Variants in CHD4 observed in about 807,000 individuals in gnomAD.
CHD4 encodes chromodomain helicase DNA binding protein 4.
A neutral mutation model predicts 235.5 loss-of-function variants in CHD4; 35 were observed. The ratio of observed to expected loss-of-function variants is 0.15; its 90% CI spans 0.11 to 0.20. CHD4 has a LOEUF of 0.20. Among genes scored for constraint, CHD4 ranks in the 10% least tolerant of loss-of-function variants. CHD4 has a pLI of 1.00. For synonymous variants in CHD4, 900 were observed against 850.2 expected, an observed-to-expected ratio of 1.06 and a Z score of -1.02; for missense variants, 1,329 against 2,432.3, an observed-to-expected ratio of 0.55 and a Z score of 9.54.
At position 6,582,983 on chromosome 12, in the gene CHD4, C is replaced by G. The variant is rs575919767; in HGVS notation, c.4147+44G>C. ...TGAGTGACACAGGTAGGATATTAAA[C>G]AAAGCAACATTTAGAAAAGCAACAA... On this transcript the variant is annotated intron_variant, in intron 27 of 39. Coordinates refer to ENST00000544040, the MANE Select transcript of CHD4 (RefSeq NM_001273.5). The G allele has an allele frequency of 4.1e-5, 65 of 1,599,592 alleles. 1 individual carries two copies. In the South Asian group the frequency reaches 5.2e-4, roughly 13 times the overall value.
chr12:6,601,742 G>A lies in CHD4; in HGVS notation c.463C>T (p.Leu155=), dbSNP rs1290043592. The A allele has an allele frequency of 6.2e-6, 10 of 1,614,012 alleles. No individual in the cohort carries two copies. Among genetic ancestry groups the A allele is most frequent in the African/African-American group, 1.3e-5 (1 of 74,914 alleles). The change falls in exon 5 of 40, where the codon CTG becomes TTG. Residue 155 remains leucine, a synonymous_variant. Coordinates refer to ENST00000544040, the MANE Select transcript of CHD4 (RefSeq NM_001273.5). ...ATGTCTTCCATGCCCCAGTCTTCCA[G>A]GAGCTGAGCAGATGATTTAGGCTCC... ...SKEPKSSAQL[L]EDWGMEDIDH...
chr12:6,589,871 C>T (rs553396698), intron 22 of CHD4, among the ~76,000 whole-genome samples: 7 of 152,106 alleles, frequency 4.6e-5, no homozygotes, highest in Non-Finnish European at 1.0e-4. Context: ...ACTTAAGAGA[C>T]ATTCTACAAA....
chr12:6,581,124 TCAA>T lies in CHD4; in HGVS notation c.4826_4828del (p.Val1609del), dbSNP rs1213915459. The T allele has an allele frequency of 6.2e-7, 1 of 1,614,032 alleles. No homozygotes were observed. The highest frequency in any genetic ancestry group is 8.5e-7 in the Non-Finnish European group (1 of 1,180,038). On this transcript the variant is annotated inframe_deletion, in exon 33 of 40. Coordinates refer to ENST00000544040, the MANE Select transcript of CHD4 (RefSeq NM_001273.5). ...CACTTTCTCCTCTCCCTCAGGGGGT[TCAA>T]CAACGACCTTTTCATCCTCTGAGGC...
chr12:6,582,533 G>C, intron 29 of CHD4, 82 bp downstream of exon 29: 1 of 1,518,602 alleles, frequency 6.6e-7, no homozygotes, highest in Non-Finnish European at 8.8e-7. Flanking sequence ...TTCCCTGCAC[G>C]GCTAGGCCTA....
intron 10 of CHD4, 121 bp from the exon 11 acceptor site, chr12:6,598,546 C>T (rs1320143737): frequency 8.3e-6 from 7 of 846,366 alleles, no homozygotes; most frequent in Non-Finnish European, 1.3e-5. Context: ...AGCAGTGGCT[C>T]ATGCCTGAAA....
chr12:6,578,935 ATT>A lies in CHD4; in HGVS notation c.4910-20_4910-19del. 1 of 1,608,780 alleles carries A rather than the reference ATT, an allele frequency of 6.2e-7. No homozygotes were observed. The highest frequency in any genetic ancestry group is 8.5e-7 in the Non-Finnish European group (1 of 1,175,166). On this transcript the variant is annotated intron_variant, in intron 33 of 39. Coordinates refer to ENST00000544040, the MANE Select transcript of CHD4 (RefSeq NM_001273.5). ...AGCAGCACCTAGGGGAAGAAATGTTATTGAGACTATACCTAAAGGAAGAACAT... is the reference window on the plus strand; with the variant it reads ...AGCAGCACCTAGGGGAAGAAATGTTAGAGACTATACCTAAAGGAAGAACAT...
chr12:6,577,642 G>A, intron 37 of CHD4, 143 bp downstream of exon 37: 1 of 1,081,134 alleles, frequency 9.2e-7, no homozygotes, highest in Non-Finnish European at 1.3e-6. Context: ...CAACCCTAAT[G>A]TGTAAGTTAC....
Position 6,591,924 on chromosome 12 carries a change from C to G in CHD4, c.3082G>C (p.Ala1028Pro). ...GAGATGGCACTACATACCATTGCAG[C>G]CACAGGGAAGAGGTATGGATGGTTG... ...CCNHPYLFPV[A>P]AMEAPKMPNG... The change falls in exon 20 of 40, where the codon GCT becomes CCT. Residue 1028 changes from alanine to proline, a missense_variant. Ala to Pro is a conservative substitution (Grantham distance 27). Coordinates refer to ENST00000544040, the MANE Select transcript of CHD4 (RefSeq NM_001273.5). 6.2e-7 allele frequency: 1 copy of G among 1,614,176 alleles called. No homozygotes were observed. The highest frequency in any genetic ancestry group is 8.5e-7 in the Non-Finnish European group (1 of 1,180,034).
rs748350791 is a variant in CHD4 at position 6,606,348 on chromosome 12, G to A, written c.26C>T (p.Ser9Phe). Residue 9 changes from serine to phenylalanine, a missense_variant, in exon 2 of 40, where the codon TCC (serine) becomes TTC (phenylalanine). This residue lies in a region of CHD4 where 213 missense variants were observed against 177.5 expected (regional missense o/e 1.20). Coordinates refer to ENST00000544040, the MANE Select transcript of CHD4 (RefSeq NM_001273.5). ...CTCCTCACTGCCCGCCGAGCAGGGG[G>A]ACGGGGAGCCCAGGCCCGACGCCAT... MASGLGSP[S>F]PCSAGSEEED... 2.5e-6 allele frequency: 4 copies of A among 1,571,860 alleles called. No individual in the cohort carries two copies. Among genetic ancestry groups the A allele is most frequent in the Non-Finnish European group, 3.4e-6 (4 of 1,162,228 alleles).
intron 38 of CHD4, chr12:6,571,285 G>A (rs1339437882): frequency 2.9e-5 from 12 of 418,326 alleles, no homozygotes; most frequent in African/African-American, 2.5e-4. Flanking sequence ...TCCTCTTCTT[G>A]AGCTTATTCG....
At position 6,601,348 on chromosome 12, in the gene CHD4, G is replaced by A. The variant is rs1266921042; in HGVS notation, c.740C>T (p.Ala247Val). 2 of 1,614,094 alleles carry A rather than the reference G, an allele frequency of 1.2e-6. No individual in the cohort carries two copies. Among genetic ancestry groups the A allele is most frequent in the East Asian group, 2.2e-5 (1 of 44,854 alleles). Residue 247 changes from alanine (A) to valine (V), a missense_variant, in exon 6 of 40, where the codon GCA becomes GTA. This residue lies in a region of CHD4 where 160 missense variants were observed against 196.6 expected (regional missense o/e 0.81). Transcript: ENST00000544040. The stretch of plus-strand genomic sequence containing the variant: ...CACCTCCACAGGGGGAGGTGGTGGT[G>A]CAACCTCAGTGGCTGTCACCATGCT... ...VESMVTATEV[A>V]PPPPPVEVPI...
At chr12:6,585,972 T>C (rs778415705) in intron 25 of CHD4, among the ~76,000 whole-genome samples, 3 of 151,796 alleles carry the variant, frequency 2.0e-5, no homozygotes, top group Non-Finnish European at 4.4e-5. Context: ...TGGTGGTGCA[T>C]ACCTGTAATC....
Position 6,591,898 on chromosome 12 carries a change from G to A in CHD4, c.3090+18C>T, listed in dbSNP as rs774536825. 7.4e-6 allele frequency: 12 copies of A among 1,614,086 alleles called. No individual in the cohort carries two copies. Among genetic ancestry groups the A allele is most frequent in the South Asian group, 3.3e-5 (3 of 91,094 alleles). Reference sequence around the variant, plus strand: ...AGAAGACCCAACCCAGGGAGGAACAGGAGATGGCACTACATACCATTGCAG... The same window carrying A: ...AGAAGACCCAACCCAGGGAGGAACAAGAGATGGCACTACATACCATTGCAG... On this transcript the variant is annotated intron_variant, in intron 20 of 39. Transcript: ENST00000544040.
At chr12:6,595,911 T>C in intron 13 of CHD4, 95 bp downstream of exon 13, 1 of 1,380,214 alleles carries the variant, frequency 7.2e-7, no homozygotes, top group Non-Finnish European at 9.6e-7. Flanking sequence ...TGAGTCAAGA[T>C]CACGCCACTG....
intron 33 of CHD4, chr12:6,580,727 A>AAAAAAAAAAG (rs1555163920): frequency 3.3e-5 from 8 of 244,500 alleles, no homozygotes; most frequent in African/African-American, 2.5e-4. Context: ...AAAAAAAAAA[A>AAAAAAAAAAG]GCCAGGCACA....
rs1175484619 is a variant in CHD4, at chr12:6,600,364, A to G, written c.1095T>C (p.Tyr365=). 3.1e-6 allele frequency: 5 copies of G among 1,613,974 alleles called. No homozygotes were observed. In the East Asian group the frequency reaches 8.9e-5, roughly 29 times the overall value. ...GEEEVTAVDG[Y]ETDHQDYCEV... is the part of the protein sequence containing the mutation. ...CGCAATAGTCCTGGTGGTCTGTCTC[A>G]TAACCATCCACAGCAGTCACCTCCT... is the stretch of plus-strand genomic sequence containing the variant. Residue 365 remains tyrosine, a synonymous_variant, in exon 9 of 40, where the codon TAT becomes TAC. Coordinates refer to ENST00000544040, the MANE Select transcript of CHD4 (RefSeq NM_001273.5).
chr12:6,596,118 C>A lies in CHD4; in HGVS notation c.1912G>T (p.Val638Phe). The A allele has an allele frequency of 3.1e-6, 5 of 1,613,906 alleles. No individual in the cohort carries two copies. The highest frequency in any genetic ancestry group is 4.2e-6 in the Non-Finnish European group (5 of 1,179,914). The stretch of plus-strand genomic sequence containing the variant: ...TCCCGCCACTTGATCAAGTAGTGGA[C>A]GTGGCCCTTCTTGTCCACACTGCAA... ...LNHSVDKKGHVHYLIKWRDLP... is the reference protein window; with the variant it reads ...LNHSVDKKGHFHYLIKWRDLP... Residue 638 changes from valine (V) to phenylalanine (F), a missense_variant, in exon 13 of 40, where the codon GTC becomes TTC. Transcript: ENST00000544040.
intron 6 of CHD4, 65 bp downstream of exon 6, chr12:6,601,224 C>T: frequency 6.3e-7 from 1 of 1,583,968 alleles, no homozygotes; most frequent in Non-Finnish European, 8.6e-7. Flanking sequence ...CCAGCATTCC[C>T]ATGCTGTCTT....
chr12:6,600,441 T>TCCCCCC, intron 8 of CHD4, 46 bp from the exon 9 acceptor site: 6 of 1,600,498 alleles, frequency 3.7e-6, no homozygotes, highest in South Asian at 1.1e-5. Context: ...AAAAACTACC[T>TCCCCCC]CCCCCCACCC....
Sources: allele counts gnomAD v4.1 joint callset (sites outside exome capture counted in the v4.1 genomes callset), GRCh38; gene constraint gnomAD v4.1.1; regional missense constraint gnomAD v4.1.1; transcripts MANE v1.5; gene names NCBI Gene and HGNC (gene_info 2026-07-23, HGNC 2026-07-21).